Variants in MYO1D observed in about 807,000 individuals in gnomAD.
MYO1D encodes myosin ID, also known as unconventional myosin-Id.
A neutral mutation model predicts 122.0 loss-of-function variants in MYO1D; 83 were observed. The observed-to-expected ratio is 0.68, with a 90% CI of 0.57 to 0.82. MYO1D has a LOEUF of 0.82. Among genes scored for constraint, MYO1D ranks in the 40% least tolerant of loss-of-function variants. The probability of loss-of-function intolerance (pLI) is 0.00; values close to 1 mark genes in which losing one functional copy is unlikely to be tolerated. For synonymous variants in MYO1D, 464 were observed against 446.9 expected (o/e 1.04, Z -0.48); for missense variants, 1,157 against 1,269.5 (o/e 0.91, Z 1.35).
chr17:32,585,386 TG>T (rs1459601571), intron 21 of MYO1D, among the ~76,000 whole-genome samples: 1 of 152,212 alleles, frequency 6.6e-6, no homozygotes, highest in African/African-American at 2.4e-5. Flanking sequence ...TTTTCCACTA[TG>T]AAAATTTTAT....
chr17:32,562,672 G>T (rs957902102), intron 21 of MYO1D, among the ~76,000 whole-genome samples: 1 of 151,814 alleles, frequency 6.6e-6, no homozygotes, highest in Non-Finnish European at 1.5e-5. Flanking sequence ...TTGTAGAGAC[G>T]AGGTTCTGCT....
chr17:32,520,712 A>G (rs1306726734), intron 21 of MYO1D, among the ~76,000 whole-genome samples: 1 of 152,210 alleles, frequency 6.6e-6, no homozygotes, highest in East Asian at 1.9e-4. Context: ...TCATCTAGAC[A>G]TGATGCTACG....
chr17:32,657,585 C>T (rs1429062570), intron 17 of MYO1D, among the ~76,000 whole-genome samples: 1 of 152,222 alleles, frequency 6.6e-6, no homozygotes, highest in Non-Finnish European at 1.5e-5. Context: ...TGCTTGTGTG[C>T]ACGCACGTGT....
At chr17:32,497,884 C>A in intron 21 of MYO1D, 1 of 152,608 alleles carries the variant, frequency 6.6e-6, no homozygotes, top group Non-Finnish European at 1.5e-5. Context: ...TCTCCCTGTC[C>A]TACTTCTGCT....
chr17:32,564,047 G>C (rs377458339), intron 21 of MYO1D, among the ~76,000 whole-genome samples: 1 of 152,258 alleles, frequency 6.6e-6, no homozygotes, highest in African/African-American at 2.4e-5. Context: ...AAGCCACTTT[G>C]CTGCCTCCAG....
chr17:32,524,708 G>A (rs558945674), intron 21 of MYO1D, among the ~76,000 whole-genome samples: 106 of 151,988 alleles, frequency 7.0e-4, no homozygotes, highest in African/African-American at 2.2e-3. Context: ...GATTACAGGT[G>A]CCCACCACCA....
chr17:32,871,562 T>G (rs968770067), intron 1 of MYO1D, among the ~76,000 whole-genome samples: 6 of 152,182 alleles, frequency 3.9e-5, no homozygotes, highest in Non-Finnish European at 8.8e-5. Flanking sequence ...AGCCAAGATA[T>G]CAGACTGAAT....
chr17:32,552,345 G>A (rs1190193150), intron 21 of MYO1D, among the ~76,000 whole-genome samples: 1 of 151,894 alleles, frequency 6.6e-6, no homozygotes, highest in East Asian at 1.9e-4. Context: ...CCACAGTGCT[G>A]GTATTACAGG....
Position 32,760,388 on chromosome 17 carries a change from T to A in MYO1D, c.1198A>T (p.Ile400Phe). Residue 400 changes from isoleucine (I) to phenylalanine (F), a missense_variant, in exon 10 of 22, where the codon ATC becomes TTC. Transcript: ENST00000318217. ...TGCAGTTTCTCATTGCAGTAATTGA[T>A]ACAGAATTGTTCAAAACTACAAGAA... is the stretch of plus-strand genomic sequence containing the variant. ...FDNNSFEQFC[I>F]NYCNEKLQQL... The A allele has an allele frequency of 6.2e-7, 1 of 1,610,340 alleles. No individual in the cohort carries two copies. Among genetic ancestry groups the A allele is most frequent in the Non-Finnish European group, 8.5e-7 (1 of 1,177,144 alleles).
intron 1 of MYO1D, among the ~76,000 whole-genome samples, chr17:32,828,717 G>A (rs780629148): frequency 1.3e-5 from 2 of 152,126 alleles, no homozygotes; most frequent in Non-Finnish European, 1.5e-5. Context: ...ATTTAAAGAG[G>A]TAAAAGGGGT....
chr17:32,804,491 C>T (rs2090492012), intron 1 of MYO1D, among the ~76,000 whole-genome samples: 1 of 152,170 alleles, frequency 6.6e-6, no homozygotes, highest in Non-Finnish European at 1.5e-5. Flanking sequence ...CCCACCATCT[C>T]CATAAGGCTT....
chr17:32,746,095 C>T (rs1319637679), intron 12 of MYO1D, among the ~76,000 whole-genome samples: 3 of 152,208 alleles, frequency 2.0e-5, no homozygotes, highest in African/African-American at 7.2e-5. Flanking sequence ...TCAGTATAAG[C>T]AATTCTCAGA....
intron 21 of MYO1D, chr17:32,495,535 C>G (rs1286690841): frequency 6.6e-6 from 1 of 152,532 alleles, no homozygotes; most frequent in Non-Finnish European, 1.5e-5. Flanking sequence ...CCTGGGAGCA[C>G]ATGAAGGCGG....
chr17:32,596,260 G>C (rs1312880482), intron 21 of MYO1D, among the ~76,000 whole-genome samples: 1 of 152,224 alleles, frequency 6.6e-6, no homozygotes, highest in Non-Finnish European at 1.5e-5. Flanking sequence ...GGCATTCAAA[G>C]AGAGCAGTCT....
At chr17:32,695,568 T>C (rs2089161497) in intron 16 of MYO1D, among the ~76,000 whole-genome samples, 2 of 152,210 alleles carry the variant, frequency 1.3e-5, no homozygotes, top group Non-Finnish European at 2.9e-5. Flanking sequence ...GGACTTCCAA[T>C]GAGTAGGGCA....
intron 1 of MYO1D, among the ~76,000 whole-genome samples, chr17:32,852,380 GCCTCC>G (rs1235903515): frequency 6.6e-6 from 1 of 152,128 alleles, no homozygotes; most frequent in African/African-American, 2.4e-5. Flanking sequence ...ACCCACCTCG[GCCTCC>G]CAAAGTGCTG....
chr17:32,874,288 T>TTG (rs1352802820), intron 1 of MYO1D, among the ~76,000 whole-genome samples: 1 of 62,206 alleles, frequency 1.6e-5, no homozygotes, highest in African/African-American at 9.9e-5. Context: ...TCCTTCCTCT[T>TTG]TATCTGTCTC....
intron 16 of MYO1D, among the ~76,000 whole-genome samples, chr17:32,667,245 A>G (rs1266467333): frequency 6.6e-6 from 1 of 152,216 alleles, no homozygotes; most frequent in African/African-American, 2.4e-5. Flanking sequence ...TGTGGCTCTA[A>G]GAGCTATTTT....
intron 16 of MYO1D, among the ~76,000 whole-genome samples, chr17:32,700,454 G>T (rs982485783): frequency 2.0e-5 from 3 of 152,204 alleles, no homozygotes; most frequent in Admixed American, 2.0e-4. Flanking sequence ...TGGCACAAGG[G>T]TTGGGGACCC....
Sources: allele counts gnomAD v4.1 joint callset (sites outside exome capture counted in the v4.1 genomes callset), GRCh38; gene constraint gnomAD v4.1.1; transcripts MANE v1.5; gene names NCBI Gene and HGNC (gene_info 2026-07-23, HGNC 2026-07-21).